ADAM11: variants seen among roughly 807,000 people sequenced by gnomAD.
The protein encoded by ADAM11 is disintegrin and metalloproteinase domain-containing protein 11.
In ADAM11, 49 loss-of-function variants were observed where a neutral mutation model predicts 119.1. The ratio of observed to expected loss-of-function variants is 0.41; its 90% CI spans 0.33 to 0.52. ADAM11 has a LOEUF of 0.52. Ranked by LOEUF, ADAM11 falls within the 20% of genes least tolerant of loss-of-function variation. ADAM11 has a pLI of 0.20. For synonymous variants in ADAM11, 364 were observed against 408.0 expected, an observed-to-expected ratio of 0.89 and a Z score of 1.30; for missense variants, 777 against 1,047.5, an observed-to-expected ratio of 0.74 and a Z score of 3.56.
intron 2 of ADAM11, among the ~76,000 whole-genome samples, chr17:44,760,228 G>A (rs564748466): frequency 2.6e-5 from 4 of 152,246 alleles, no homozygotes; most frequent in African/African-American, 9.6e-5. Flanking sequence ...AACAGGGCTT[G>A]GATGGGGCAA....
Position 44,776,058 on chromosome 17 carries a change from G to T in ADAM11, c.1486-69G>T, listed in dbSNP as rs554890370. On this transcript the variant is annotated intron_variant, in intron 17 of 26. Transcript: ENST00000200557. The surrounding 1 kb of genome is among the most constrained non-coding windows in gnomAD (Gnocchi z 5.2). ...CCGGGGATGTGGGGGTCCAGAGAGC[G>T]AGGGGCCTGGGGAGGGCAGGGCCGA... 88 of 1,570,746 alleles carry T rather than the reference G, an allele frequency of 5.6e-5. No homozygotes were observed. In the East Asian group the frequency reaches 1.7e-3, roughly 31 times the overall value.
chr17:44,776,313 C>T lies in ADAM11; in HGVS notation c.1566+106C>T. ...CTCAGCACTCCCCTCCTCTCCACAG[C>T]TGGCATCGACCTCCACTGATCAGAC... On this transcript the variant is annotated intron_variant, in intron 18 of 26. Transcript: ENST00000200557. This position sits in a 1 kb window ranked among gnomAD's most constrained non-coding sequence, Gnocchi z 5.2. The T allele has an allele frequency of 8.1e-7, 1 of 1,234,716 alleles. No individual in the cohort carries two copies. The highest frequency in any genetic ancestry group is 1.2e-6 in the Non-Finnish European group (1 of 854,356). The allele number at this position is 1,234,716 out of a possible 1,614,324, so 76.5% of individuals were successfully genotyped here. A position where few individuals can be genotyped will look rare whatever the true frequency, so the allele number is the denominator to read the frequency against.
Position 44,776,294 on chromosome 17 carries a change from A to G in ADAM11, c.1566+87A>G. ...TGGTTTTCCCGGACGAGTGCTCAGC[A>G]CTCCCCTCCTCTCCACAGCTGGCAT... On this transcript the variant is annotated intron_variant, in intron 18 of 26. Coordinates refer to ENST00000200557, the MANE Select transcript of ADAM11 (RefSeq NM_002390.6). The surrounding 1 kb of genome is among the most constrained non-coding windows in gnomAD (Gnocchi z 5.2). 1 of 1,412,186 alleles carries G rather than the reference A, an allele frequency of 7.1e-7. No homozygotes were observed. The highest frequency in any genetic ancestry group is 2.3e-5 in the East Asian group (1 of 43,488). The allele number at this position is 1,412,186 out of a possible 1,614,324, so 87.5% of individuals were successfully genotyped here.
chr17:44,760,449 C>T (rs2049376468), intron 2 of ADAM11, among the ~76,000 whole-genome samples: 1 of 152,256 alleles, frequency 6.6e-6, no homozygotes, highest in East Asian at 1.9e-4. Context: ...CCAGCTCTAC[C>T]TGCCTGCCCA....
At chr17:44,766,895 A>C (rs1241611228) in intron 2 of ADAM11, among the ~76,000 whole-genome samples, 1 of 152,128 alleles carries the variant, frequency 6.6e-6, no homozygotes, top group Admixed American at 6.5e-5. Flanking sequence ...CAGGGAGCAC[A>C]GTTTGGCTTT....
At position 44,772,364 on chromosome 17, in the gene ADAM11, C is replaced by A. The variant is rs763070962; in HGVS notation, c.610+31C>A. On this transcript the variant is annotated intron_variant, in intron 7 of 26. Transcript: ENST00000200557. The surrounding 1 kb of genome is among the most constrained non-coding windows in gnomAD (Gnocchi z 4.5). ...GGAGGGAAGGGGGGGTGGGGAGGGGCCGGCTGTGCCCCCCTCACCTGCCCC... is the reference window on the plus strand; with the variant it reads ...GGAGGGAAGGGGGGGTGGGGAGGGGACGGCTGTGCCCCCCTCACCTGCCCC... 6.3e-7 allele frequency: 1 copy of A among 1,579,694 alleles called. No individual in the cohort carries two copies. Among genetic ancestry groups the A allele is most frequent in the Non-Finnish European group, 8.6e-7 (1 of 1,161,404 alleles).
At chr17:44,762,562 C>G (rs564021694) in intron 2 of ADAM11, among the ~76,000 whole-genome samples, 1 of 152,044 alleles carries the variant, frequency 6.6e-6, no homozygotes, top group East Asian at 1.9e-4. Context: ...CAAGCCTAGC[C>G]GGTGTGGAGC....
Position 44,772,163 on chromosome 17 carries a change from T to C in ADAM11, c.544-104T>C, listed in dbSNP as rs893953958. ...CATGGGAGCTGTGGCCAGTTCTGGGTCACCCCAGGGTGGGGTGGAGGCGAG... is the reference window on the plus strand; with the variant it reads ...CATGGGAGCTGTGGCCAGTTCTGGGCCACCCCAGGGTGGGGTGGAGGCGAG... On this transcript the variant is annotated intron_variant, in intron 6 of 26. Transcript: ENST00000200557. This position sits in a 1 kb window ranked among gnomAD's most constrained non-coding sequence, Gnocchi z 4.5. 3.6e-4 allele frequency: 404 copies of C among 1,117,996 alleles called. No individual in the cohort carries two copies. Among genetic ancestry groups the C allele is most frequent in the Non-Finnish European group, 4.2e-4 (322 of 775,604 alleles). 69.3% of individuals were successfully genotyped at this position (1,117,996 alleles called of 1,614,324 possible).
chr17:44,770,028 G>A lies in ADAM11; in HGVS notation c.361G>A (p.Gly121Arg), dbSNP rs556554596. Residue 121 changes from glycine (G) to arginine (R), a missense_variant, in exon 4 of 27, where the codon GGG becomes AGG. Gly to Arg is a moderately radical substitution (Grantham distance 125, BLOSUM62 -2). Around this residue, in one of 4 missense-constraint regions of ADAM11, gnomAD observed 278 missense variants for 310.1 expected, o/e 0.90. Transcript: ENST00000200557. ...CGTGGAGCGCCACTTCAGCCGGGAG[G>A]GGACAACCCAGCACAGCACCGTGAG... The part of the protein sequence containing the change: ...QYVERHFSRE[G>R]TTQHSTGAGD... 222 of 1,614,092 alleles carry A rather than the reference G, an allele frequency of 1.4e-4. 1 individual carries two copies. The Middle Eastern group carries it at 3.0e-3, about 22-fold the overall frequency.
chr17:44,765,812 A>G (rs1245945207), intron 2 of ADAM11, among the ~76,000 whole-genome samples: 1 of 152,070 alleles, frequency 6.6e-6, no homozygotes, highest in Non-Finnish European at 1.5e-5. Context: ...GAGTAGAGAC[A>G]GGGTTTCACC....
At position 44,776,272 on chromosome 17, in the gene ADAM11, T is replaced by G; in HGVS notation, c.1566+65T>G. 6.3e-7 allele frequency: 1 copy of G among 1,581,510 alleles called. No individual in the cohort carries two copies. Among genetic ancestry groups the G allele is most frequent in the Non-Finnish European group, 8.7e-7 (1 of 1,154,304 alleles). ...GCAACCCCTACCCTTGTCGATTTGG[T>G]TTTCCCGGACGAGTGCTCAGCACTC... On this transcript the variant is annotated intron_variant, in intron 18 of 26. Coordinates refer to ENST00000200557, the MANE Select transcript of ADAM11 (RefSeq NM_002390.6). The surrounding 1 kb of genome is among the most constrained non-coding windows in gnomAD (Gnocchi z 5.2).
intron 2 of ADAM11, 72 bp from the exon 3 acceptor site, chr17:44,769,631 CAGGGCTACTGTTGCT>C: frequency 1.2e-6 from 1 of 831,260 alleles, no homozygotes; most frequent in Admixed American, 2.0e-5. Flanking sequence ...ACCCCTTCCC[CAGGGCTACTGTTGCT>C]CCCGGGATCC....
At chr17:44,774,211 T>A (rs1301269080) in intron 11 of ADAM11, 84 bp from the exon 12 acceptor site, 2 of 856,834 alleles carry the variant, frequency 2.3e-6, no homozygotes, top group Non-Finnish European at 3.5e-6. Flanking sequence ...GACTCTAGTG[T>A]GAGGGGCTCC....
intron 2 of ADAM11, among the ~76,000 whole-genome samples, chr17:44,761,057 G>C (rs907552901): frequency 6.6e-6 from 1 of 152,026 alleles, no homozygotes; most frequent in Non-Finnish European, 1.5e-5. Context: ...GCTGCCTTCA[G>C]CAACTGCCCA....
chr17:44,772,506 GGGCTGCAGAGAGACCTCA>G lies in ADAM11; in HGVS notation c.678+44_678+61del. The G allele has an allele frequency of 6.5e-7, 1 of 1,547,598 alleles. No individual in the cohort carries two copies. The highest frequency in any genetic ancestry group is 8.7e-7 in the Non-Finnish European group (1 of 1,145,284). On this transcript the variant is annotated intron_variant, in intron 8 of 26. Transcript: ENST00000200557. This position sits in a 1 kb window ranked among gnomAD's most constrained non-coding sequence, Gnocchi z 4.5. ...ACAGACCTCGGGCTGCAGAGACCTC[GGGCTGCAGAGAGACCTCA>G]GGCCGTGGCCCAGAGCAGGAGGGCA...
intron 2 of ADAM11, among the ~76,000 whole-genome samples, chr17:44,764,827 T>C (rs764544211): frequency 1.1e-4 from 16 of 152,136 alleles, no homozygotes; most frequent in Non-Finnish European, 2.2e-4. Flanking sequence ...GAAGAGCCGA[T>C]GGTCAACATC....
chr17:44,776,915 G>A lies in ADAM11; in HGVS notation c.1634G>A (p.Gly545Asp), dbSNP rs770197597. 2.5e-6 allele frequency: 4 copies of A among 1,613,516 alleles called. No homozygotes were observed. The highest frequency in any genetic ancestry group is 3.4e-6 in the Non-Finnish European group (4 of 1,179,504). The part of the protein sequence containing the change: ...CDHEQGRCYG[G>D]RCKTRDRQCQ... ...GACTCTCAGGGCCGCTGCTACGGAG[G>A]TCGCTGCAAAACCCGGGACCGGCAG... is the stretch of plus-strand genomic sequence containing the variant. Residue 545 changes from glycine to aspartate, a missense_variant, in exon 20 of 27, where the codon GGT becomes GAT. This residue lies in a region of ADAM11 where 348 missense variants were observed against 486.7 expected (regional missense o/e 0.72). Transcript: ENST00000200557. This position sits in a 1 kb window ranked among gnomAD's most constrained non-coding sequence, Gnocchi z 5.2.
chr17:44,774,864 A>G, intron 14 of ADAM11, 115 bp downstream of exon 14: 3 of 1,305,532 alleles, frequency 2.3e-6, no homozygotes, highest in South Asian at 2.9e-5. Context: ...AGAACCACTC[A>G]GGATCCCAAG....
chr17:44,764,765 G>A (rs1171524705), intron 2 of ADAM11, among the ~76,000 whole-genome samples: 1 of 152,174 alleles, frequency 6.6e-6, no homozygotes, highest in African/African-American at 2.4e-5. Flanking sequence ...CTCTCAGGCT[G>A]CTGCGAGGAC....
Sources: allele counts gnomAD v4.1 joint callset (sites outside exome capture counted in the v4.1 genomes callset), GRCh38; gene constraint gnomAD v4.1.1; regional missense constraint gnomAD v4.1.1; non-coding constraint Gnocchi (gnomAD v3.1); transcripts MANE v1.5; gene names NCBI Gene and HGNC (gene_info 2026-07-23, HGNC 2026-07-21).